Variants in PLAA observed in about 807,000 individuals in gnomAD.
PLAA encodes the protein phospholipase A2 activating protein, also known as phospholipase A-2-activating protein.
In PLAA, 48 loss-of-function variants were observed where a neutral mutation model predicts 84.1. The ratio of observed to expected loss-of-function variants is 0.57; its 90% CI spans 0.45 to 0.73. The LOEUF (loss-of-function observed/expected upper bound fraction) is 0.73, where lower values mean the gene tolerates loss of function less well. Ranked by LOEUF, PLAA falls within the 30% of genes least tolerant of loss-of-function variation. The pLI is 0.00. For missense variants in PLAA, 903 were observed against 954.7 expected (o/e 0.95, Z 0.71); for synonymous variants, 392 against 336.6 (o/e 1.16, Z -1.80).
chr9:26,907,122 G>C (rs1824261906), intron 13 of PLAA, among the ~76,000 whole-genome samples: 2 of 137,196 alleles, frequency 1.5e-5, no homozygotes, highest in African/African-American at 5.5e-5. Context: ...AATTAAAAAA[G>C]ACTTAACTGA....
At chr9:26,938,978 G>C (rs955538195) in intron 1 of PLAA, among the ~76,000 whole-genome samples, 19 of 152,174 alleles carry the variant, frequency 1.2e-4, no homozygotes, top group African/African-American at 4.3e-4. Flanking sequence ...TGTTATTGAA[G>C]TTAAATGTAT....
Position 26,935,101 on chromosome 9 carries a change from A to C in PLAA, c.255T>G (p.Ile85Met). 1 of 1,611,052 alleles carries C rather than the reference A, an allele frequency of 6.2e-7. No individual in the cohort carries two copies. Among genetic ancestry groups the C allele is most frequent in the Non-Finnish European group, 8.5e-7 (1 of 1,178,972 alleles). ...PSSDIYPHGLIATGGNDHNIC... is the reference protein window; with the variant it reads ...PSSDIYPHGLMATGGNDHNIC... ...TATTGTGGTCATTTCCACCGGTGGC[A>C]ATTAGGCCATGAGGGTAGATGTCAC... The change falls in exon 2 of 14, where the codon ATT becomes ATG. Residue 85 changes from isoleucine to methionine, a missense_variant. Physicochemically the swap from Ile to Met is conservative, Grantham distance 10 (BLOSUM62 1). Transcript: ENST00000397292.
intron 2 of PLAA, among the ~76,000 whole-genome samples, chr9:26,934,200 C>A (rs1197157961): frequency 6.6e-6 from 1 of 152,148 alleles, no homozygotes; most frequent in Admixed American, 6.5e-5. Context: ...ACTTACTGCA[C>A]CGATTAAGCA....
At chr9:26,909,594 A>C (rs1230494223) in intron 12 of PLAA, among the ~76,000 whole-genome samples, 1 of 152,034 alleles carries the variant, frequency 6.6e-6, no homozygotes, top group Non-Finnish European at 1.5e-5. Flanking sequence ...AAAGCAATCA[A>C]AGTCACTAAA....
At chr9:26,933,204 G>A (rs999619476) in intron 2 of PLAA, among the ~76,000 whole-genome samples, 5 of 151,368 alleles carry the variant, frequency 3.3e-5, no homozygotes, top group East Asian at 2.0e-4. Context: ...GGAGGCAGAC[G>A]TTGCAGTGAG....
chr9:26,908,167 CTTTT>C (rs375603485), intron 12 of PLAA, among the ~76,000 whole-genome samples, 169 bp from the exon 13 acceptor site: 3 of 135,058 alleles, frequency 2.2e-5, no homozygotes, highest in African/African-American at 2.8e-5. Flanking sequence ...TGAGCTTTGT[CTTTT>C]TTTTTTTTTT....
chr9:26,906,423 CTTT>C (rs35324777), intron 13 of PLAA, among the ~76,000 whole-genome samples: 21 of 95,060 alleles, frequency 2.2e-4, no homozygotes, highest in African/African-American at 4.9e-4. Flanking sequence ...AGGGAAAGTT[CTTT>C]TTTTTTTTTT....
intron 10 of PLAA, chr9:26,915,539 A>T (rs539524576): frequency 3.6e-6 from 1 of 278,662 alleles, no homozygotes; most frequent in Non-Finnish European, 5.4e-6. Flanking sequence ...CATCAACAAC[A>T]ACTAATACAT....
At chr9:26,927,985 T>C (rs1419135411) in intron 4 of PLAA, 115 bp downstream of exon 4, 2 of 1,131,880 alleles carry the variant, frequency 1.8e-6, no homozygotes, top group Non-Finnish European at 2.5e-6. Flanking sequence ...CTCAAATTAA[T>C]AGCTTAAATA....
rs578048497 is a variant in PLAA, at chr9:26,922,087, A to G, written c.1039+1091T>C. Among the ~76,000 whole-genome samples the G allele has an allele frequency of 2.0e-5, 3 of 152,336 alleles. No individual in the cohort carries two copies. In the South Asian group the frequency reaches 6.2e-4, roughly 32 times the overall value. On this transcript the variant is annotated intron_variant, in intron 7 of 13. Coordinates refer to ENST00000397292, the MANE Select transcript of PLAA (RefSeq NM_001031689.3). ...CACTCCATGAAAAAACTGGTAGTTT[A>G]GCCTGCAACTCAAATGACTGCGCAT...
intron 10 of PLAA, chr9:26,916,553 C>A: frequency 1.0e-6 from 1 of 987,058 alleles, no homozygotes; most frequent in Non-Finnish European, 1.2e-6. Flanking sequence ...TGTCTCCTTC[C>A]ATGTTAAGTC....
rs1226219431 is a variant in PLAA at position 26,928,108 on chromosome 9, G to A, written c.557C>T (p.Thr186Ile). 4 of 1,613,186 alleles carry A rather than the reference G, an allele frequency of 2.5e-6. No individual in the cohort carries two copies. The Admixed American group carries it at 6.7e-5, about 27-fold the overall frequency. ...KLWKAGRCERTFSGHEDCVRG... is the reference protein window; with the variant it reads ...KLWKAGRCERIFSGHEDCVRG... ...GTCTACCCTGATCTTACCTGAAAAA[G>A]TCCTCTCACATCTTCCAGCCTTCCA... Residue 186 changes from threonine (T) to isoleucine (I), a missense_variant, in exon 4 of 14, where the codon ACT becomes ATT. Thr to Ile is a moderately conservative substitution (Grantham distance 89). Coordinates refer to ENST00000397292, the MANE Select transcript of PLAA (RefSeq NM_001031689.3).
intron 10 of PLAA, among the ~76,000 whole-genome samples, chr9:26,914,201 G>A (rs1245243686): frequency 6.6e-6 from 1 of 152,158 alleles, no homozygotes; most frequent in Non-Finnish European, 1.5e-5. Flanking sequence ...AAAAATGTAA[G>A]TGGATTGGAG....
At chr9:26,910,135 T>C (rs1249701286) in intron 12 of PLAA, among the ~76,000 whole-genome samples, 1 of 152,200 alleles carries the variant, frequency 6.6e-6, no homozygotes, top group Non-Finnish European at 1.5e-5. Flanking sequence ...ACTTACTTTA[T>C]GTTTGTGTAA....
intron 1 of PLAA, among the ~76,000 whole-genome samples, chr9:26,937,018 G>A (rs978077363): frequency 1.3e-5 from 2 of 152,096 alleles, no homozygotes; most frequent in Admixed American, 6.5e-5. Context: ...GCAGGTGCCT[G>A]TAATTCCAGC....
At chr9:26,909,334 T>TA (rs1563905125) in intron 12 of PLAA, among the ~76,000 whole-genome samples, 1 of 152,094 alleles carries the variant, frequency 6.6e-6, no homozygotes, top group African/African-American at 2.4e-5. Flanking sequence ...CAAGTTTTTT[T>TA]AAAAAAAATC....
At chr9:26,914,428 C>T (rs962963780) in intron 10 of PLAA, among the ~76,000 whole-genome samples, 4 of 151,920 alleles carry the variant, frequency 2.6e-5, no homozygotes, top group African/African-American at 9.7e-5. Flanking sequence ...AGAGAATCAG[C>T]AGGATTTGGA....
At chr9:26,935,325 TTAAG>T (rs1392309462) in intron 1 of PLAA, 119 bp from the exon 2 acceptor site, 1 of 523,724 alleles carries the variant, frequency 1.9e-6, no homozygotes, top group African/African-American at 2.0e-5. Context: ...ATATACTATC[TTAAG>T]AATCTATTGT....
At chr9:26,917,958 G>C (rs755827183) in intron 9 of PLAA, among the ~76,000 whole-genome samples, 1 of 152,160 alleles carries the variant, frequency 6.6e-6, no homozygotes, top group Non-Finnish European at 1.5e-5. Flanking sequence ...AGCTTACACA[G>C]TACTACAATC....
Sources: allele counts gnomAD v4.1 joint callset (sites outside exome capture counted in the v4.1 genomes callset), GRCh38; gene constraint gnomAD v4.1.1; transcripts MANE v1.5; gene names NCBI Gene and HGNC (gene_info 2026-07-23, HGNC 2026-07-21).